The following DLG1 variants were observed in gnomAD, a reference collection of about 807,000 sequenced individuals.
DLG1 encodes disks large homolog 1.
In DLG1, 42 loss-of-function variants were observed where a neutral mutation model predicts 123.4. That is an observed-to-expected ratio of 0.34 (90% confidence interval 0.27 to 0.44). DLG1 has a LOEUF of 0.44. Ranked by LOEUF, DLG1 falls within the 20% of genes least tolerant of loss-of-function variation. The pLI, the probability that DLG1 is intolerant of heterozygous loss-of-function variation, is 1.00. For missense variants in DLG1, 942 were observed against 1,082.6 expected, an observed-to-expected ratio of 0.87 and a Z score of 1.82; for synonymous variants, 317 against 356.2, an observed-to-expected ratio of 0.89 and a Z score of 1.24.
chr3:197,076,606 T>C lies in DLG1; in HGVS notation c.1985A>G (p.Gln662Arg), dbSNP rs1747440821. The C allele has an allele frequency of 6.2e-7, 1 of 1,612,510 alleles. No homozygotes were observed. Among genetic ancestry groups the C allele is most frequent in the Non-Finnish European group, 8.5e-7 (1 of 1,178,914 alleles). Reference protein sequence around the residue: ...PFYKNKDQSEQETSDADQHVT... With the variant: ...PFYKNKDQSERETSDADQHVT... ...CTTACGGTCAGCATCACTTGTTTCC[T>C]GCTCACTCTGGTCCTTGTTCTTGTA... The change falls in exon 18 of 25, where the codon CAG becomes CGG. Residue 662 changes from glutamine (Q) to arginine (R), a missense_variant. Physicochemically the swap from Gln to Arg is conservative, Grantham distance 43. Transcript: ENST00000667157.
chr3:197,075,164 C>G (rs1048903752), intron 18 of DLG1, among the ~76,000 whole-genome samples: 1 of 151,738 alleles, frequency 6.6e-6, no homozygotes, highest in African/African-American at 2.4e-5. Context: ...CTTCTACATA[C>G]TAGACCCTGT....
chr3:197,083,096 A>G (rs1451901899), intron 16 of DLG1, among the ~76,000 whole-genome samples: 2 of 152,242 alleles, frequency 1.3e-5, no homozygotes, highest in Non-Finnish European at 2.9e-5. Flanking sequence ...TGATTGCTGC[A>G]TTGCTAAAAG....
chr3:197,285,029 A>T (rs78272671), intron 3 of DLG1, among the ~76,000 whole-genome samples: 1 of 93,260 alleles, frequency 1.1e-5, no homozygotes, highest in Admixed American at 1.1e-4. Flanking sequence ...CTTATCTATT[A>T]AAAAAAAAAA....
At position 197,282,538 on chromosome 3, in the gene DLG1, ATT is replaced by A. The variant is rs1579315549; in HGVS notation, c.318+139_318+140del. The A allele has an allele frequency of 5.7e-6, 3 of 526,160 alleles. No individual in the cohort carries two copies. The East Asian group carries it at 1.1e-4, about 18-fold the overall frequency. 32.6% of individuals were successfully genotyped at this position (526,160 alleles called of 1,614,324 possible). A position where few individuals can be genotyped will look rare whatever the true frequency, so the allele number is the denominator to read the frequency against. ...GCTTTTCAAAAATATTTTTAACCCC[ATT>A]CTCTTTATTCTATTATAAATTATAC... On this transcript the variant is annotated intron_variant, in intron 4 of 24. Transcript: ENST00000667157.
At position 197,176,299 on chromosome 3, in the gene DLG1, T is replaced by A. The variant is rs115636987; in HGVS notation, c.483+18126A>T. Among the ~76,000 whole-genome samples the A allele has an allele frequency of 9.7e-3, 1,477 of 152,184 alleles. 17 individuals carry two copies. Among genetic ancestry groups the A allele is most frequent in the African/African-American group, 0.023 (957 of 41,528 alleles). On this transcript the variant is annotated intron_variant, in intron 5 of 24. Transcript: ENST00000667157. ...CATTTCTAATGTACATTTGTTACAATCAATGAGCCCACACTGCCACATCAC... is the reference window on the plus strand; with the variant it reads ...CATTTCTAATGTACATTTGTTACAAACAATGAGCCCACACTGCCACATCAC...
chr3:197,130,336 TCCC>T (rs143889596), intron 11 of DLG1, among the ~76,000 whole-genome samples, 188 bp downstream of exon 11: 6,487 of 152,032 alleles, frequency 0.043, 185 homozygotes, highest in Non-Finnish European at 0.054. Flanking sequence ...GTGAAAAGGA[TCCC>T]CCCCTTCTAA....
At chr3:197,190,357 G>A (rs1352364737) in intron 5 of DLG1, among the ~76,000 whole-genome samples, 1 of 147,338 alleles carries the variant, frequency 6.8e-6, no homozygotes. Flanking sequence ...CTCGCATACT[G>A]TACCCAAATC....
At chr3:197,136,060 C>T (rs537985991) in intron 10 of DLG1, among the ~76,000 whole-genome samples, 2 of 152,140 alleles carry the variant, frequency 1.3e-5, no homozygotes, top group African/African-American at 2.4e-5. Flanking sequence ...AATCTACCTA[C>T]CTCAGCCTCC....
At chr3:197,108,069 T>C (rs888812156) in intron 13 of DLG1, among the ~76,000 whole-genome samples, 1 of 152,230 alleles carries the variant, frequency 6.6e-6, no homozygotes, top group African/African-American at 2.4e-5. Context: ...TACTGAGATA[T>C]CATGTGCTTT....
intron 4 of DLG1, among the ~76,000 whole-genome samples, chr3:197,257,918 A>C (rs1002536065): frequency 6.6e-6 from 1 of 152,166 alleles, no homozygotes; most frequent in African/African-American, 2.4e-5. Context: ...AACAATATTA[A>C]CTCCACCTCA....
intron 11 of DLG1, among the ~76,000 whole-genome samples, chr3:197,123,798 A>G (rs1777632600): frequency 6.6e-6 from 1 of 152,242 alleles, no homozygotes; most frequent in Non-Finnish European, 1.5e-5. Flanking sequence ...TACACTCATA[A>G]AAGATCAGAA....
In DLG1 at chr3:197,208,653, A is replaced by G. The variant is rs949526234; in HGVS notation, c.319-14064T>C. 4.9e-5 allele frequency among the ~76,000 whole-genome samples: 7 copies of G among 144,086 alleles called. 1 individual carries two copies. The highest frequency in any genetic ancestry group is 1.7e-4 in the African/African-American group (7 of 40,850). 94.5% of individuals were successfully genotyped at this position (144,086 alleles called of 152,430 possible). A position where few individuals can be genotyped will look rare whatever the true frequency, so the allele number is the denominator to read the frequency against. On this transcript the variant is annotated intron_variant, in intron 4 of 24. Transcript: ENST00000667157. ...AATGTTAAGTGGTGAAAACAAGTCC[A>G]GAATAGTATAGACTACACTCCTGTG...
At chr3:197,050,100 G>A (rs575496989) in intron 24 of DLG1, among the ~76,000 whole-genome samples, 1 of 151,924 alleles carries the variant, frequency 6.6e-6, no homozygotes, top group Non-Finnish European at 1.5e-5. Flanking sequence ...GGGCACGGTG[G>A]CTCACGCCTG....
intron 5 of DLG1, among the ~76,000 whole-genome samples, chr3:197,159,723 G>A (rs1453138541): frequency 6.6e-6 from 1 of 152,094 alleles, no homozygotes; most frequent in Non-Finnish European, 1.5e-5. Context: ...TGGAAAATGA[G>A]GTGCACTCAT....
intron 4 of DLG1, among the ~76,000 whole-genome samples, chr3:197,271,611 G>A (rs1431526591): frequency 2.6e-5 from 4 of 152,266 alleles, no homozygotes; most frequent in Admixed American, 2.0e-4. Flanking sequence ...TAAATGGTAT[G>A]TATTTGATTT....
chr3:197,279,511 A>G (rs971260198), intron 4 of DLG1, among the ~76,000 whole-genome samples: 33 of 152,188 alleles, frequency 2.2e-4, no homozygotes, highest in African/African-American at 7.5e-4. Context: ...AGCATTTTCC[A>G]TGTGCCATGC....
chr3:197,134,240 TAA>T (rs1367360040), intron 10 of DLG1, among the ~76,000 whole-genome samples: 1 of 152,004 alleles, frequency 6.6e-6, no homozygotes, highest in Non-Finnish European at 1.5e-5. Context: ...CATCATTAAC[TAA>T]AAAAAGTCTC....
chr3:197,200,404 A>G (rs1725010044), intron 4 of DLG1, among the ~76,000 whole-genome samples: 1 of 152,220 alleles, frequency 6.6e-6, no homozygotes. Flanking sequence ...ACAGCAACAC[A>G]TTAACATAAA....
intron 10 of DLG1, among the ~76,000 whole-genome samples, chr3:197,131,580 CTTTCTTTTTTTTTTTTTTT>C (rs1039606330): frequency 8.3e-6 from 1 of 120,704 alleles, no homozygotes; most frequent in Non-Finnish European, 1.7e-5. Flanking sequence ...TTATTTCTTC[CTTTCTTTTTTTTTTTTTTT>C]TTTTTTTTTT....
Sources: gnomAD v4.1 joint callset for allele counts (sites outside exome capture counted in the v4.1 genomes callset) on GRCh38, gnomAD v4.1.1 for gene constraint, MANE v1.5 for transcripts, NCBI Gene and HGNC (gene_info 2026-07-23, HGNC 2026-07-21) for gene names.